Variants in SLC25A13 observed in about 807,000 individuals in gnomAD.
The protein encoded by SLC25A13 is solute carrier family 25 member 13.
SLC25A13 carries 70 observed loss-of-function variants against 85.5 expected under a neutral mutation model. The observed-to-expected ratio is 0.82, with a 90% CI of 0.68 to 1.00. SLC25A13 has a LOEUF of 1.00. SLC25A13 is among the 50% of genes least tolerant of loss of function. The pLI is 0.00. For missense variants in SLC25A13, 765 were observed against 819.8 expected, an observed-to-expected ratio of 0.93 and a Z score of 0.82; for synonymous variants, 259 against 288.7, an observed-to-expected ratio of 0.90 and a Z score of 1.04.
At chr7:96,292,750 C>T (rs1352926289) in intron 2 of SLC25A13, among the ~76,000 whole-genome samples, 1 of 152,164 alleles carries the variant, frequency 6.6e-6, no homozygotes, top group African/African-American at 2.4e-5. Flanking sequence ...TCAAGGAGAA[C>T]TGCAAATCAC....
At chr7:96,311,140 A>AC (rs1227554311) in intron 1 of SLC25A13, among the ~76,000 whole-genome samples, 3 of 152,206 alleles carry the variant, frequency 2.0e-5, no homozygotes, top group Non-Finnish European at 4.4e-5. Flanking sequence ...ATCACTTTTA[A>AC]CTCAATGTAC....
chr7:96,146,442 ATCT>A, intron 14 of SLC25A13, 111 bp downstream of exon 14: 9 of 1,391,808 alleles, frequency 6.5e-6, no homozygotes, highest in Non-Finnish European at 7.9e-6. Context: ...TGGGTAGAAC[ATCT>A]TCTCCAGGTG....
At chr7:96,233,868 G>A (rs771103651) in intron 4 of SLC25A13, among the ~76,000 whole-genome samples, 3 of 152,170 alleles carry the variant, frequency 2.0e-5, no homozygotes, top group Non-Finnish European at 2.9e-5. Context: ...CTTAAAATGG[G>A]CACATGCCAA....
chr7:96,316,001 G>A (rs1238504389), intron 1 of SLC25A13, among the ~76,000 whole-genome samples: 5 of 152,024 alleles, frequency 3.3e-5, no homozygotes, highest in African/African-American at 1.2e-4. Context: ...GTGTGTGCCT[G>A]AGGTCCTAGC....
intron 3 of SLC25A13, among the ~76,000 whole-genome samples, chr7:96,245,439 A>G (rs914567883): frequency 5.9e-5 from 9 of 152,176 alleles, no homozygotes; most frequent in Non-Finnish European, 1.3e-4. Flanking sequence ...AACCACTACA[A>G]GCCTACAAGC....
At chr7:96,163,861 C>G (rs933463644) in intron 13 of SLC25A13, among the ~76,000 whole-genome samples, 18 of 152,070 alleles carry the variant, frequency 1.2e-4, no homozygotes, top group African/African-American at 4.3e-4. Context: ...ACCCAAAAAG[C>G]CAAACTAAAA....
intron 5 of SLC25A13, among the ~76,000 whole-genome samples, chr7:96,203,095 TAG>T (rs1194948174): frequency 6.6e-6 from 1 of 152,168 alleles, no homozygotes; most frequent in Non-Finnish European, 1.5e-5. Flanking sequence ...CACACAATAG[TAG>T]AGTGATCCTT....
intron 1 of SLC25A13, among the ~76,000 whole-genome samples, chr7:96,298,492 G>GC (rs2116998492): frequency 6.6e-6 from 1 of 151,906 alleles, no homozygotes; most frequent in African/African-American, 2.4e-5. Context: ...GGAGTGCAAT[G>GC]ATGCAGTCTT....
intron 15 of SLC25A13, among the ~76,000 whole-genome samples, chr7:96,125,718 C>G (rs1791696697): frequency 6.7e-6 from 1 of 150,080 alleles, no homozygotes; most frequent in African/African-American, 2.4e-5. Context: ...CCTTTTCTAT[C>G]TCTATATTAT....
At position 96,224,779 on chromosome 7, in the gene SLC25A13, G is replaced by A. The variant is rs77677908; in HGVS notation, c.328+10023C>T. On this transcript the variant is annotated intron_variant, in intron 4 of 17. Coordinates refer to ENST00000265631, the MANE Select transcript of SLC25A13 (RefSeq NM_014251.3). ...ATGAAAAATATTAAATCCTTCTAATGTCTGATACAGACTGAGACCACAATG... is the reference window on the plus strand; with the variant it reads ...ATGAAAAATATTAAATCCTTCTAATATCTGATACAGACTGAGACCACAATG... 4.0e-3 allele frequency among the ~76,000 whole-genome samples: 615 copies of A among 152,240 alleles called. 11 individuals carry two copies. In the East Asian group the frequency reaches 0.047, roughly 12 times the overall value.
intron 8 of SLC25A13, 29 bp downstream of exon 8, chr7:96,189,552 C>CAAAAA: frequency 7.0e-7 from 1 of 1,419,884 alleles, no homozygotes; most frequent in Non-Finnish European, 9.5e-7. Flanking sequence ...AAGCTAATTC[C>CAAAAA]AAAAAAAAAA....
intron 1 of SLC25A13, among the ~76,000 whole-genome samples, chr7:96,309,364 C>G (rs908009385): frequency 6.6e-6 from 1 of 152,176 alleles, no homozygotes; most frequent in African/African-American, 2.4e-5. Flanking sequence ...TGGGACAGCA[C>G]AACCCCTGCC....
At chr7:96,160,073 C>A (rs1366584946) in intron 13 of SLC25A13, among the ~76,000 whole-genome samples, 4 of 152,156 alleles carry the variant, frequency 2.6e-5, no homozygotes, top group Admixed American at 1.3e-4. Context: ...CTACTACTAC[C>A]AGAATAGTTT....
intron 11 of SLC25A13, among the ~76,000 whole-genome samples, chr7:96,173,246 C>T (rs1427457458): frequency 1.3e-5 from 2 of 152,196 alleles, no homozygotes; most frequent in Non-Finnish European, 2.9e-5. Flanking sequence ...TGAAAATTTT[C>T]TTTAAAAGTG....
intron 1 of SLC25A13, among the ~76,000 whole-genome samples, chr7:96,307,296 T>A (rs1435102352): frequency 6.6e-6 from 1 of 152,206 alleles, no homozygotes; most frequent in South Asian, 2.1e-4. Context: ...AGAATTATTA[T>A]AATTTTTTAA....
intron 2 of SLC25A13, among the ~76,000 whole-genome samples, chr7:96,280,243 T>C (rs186189494): frequency 7.5e-4 from 114 of 152,304 alleles, no homozygotes; most frequent in Non-Finnish European, 9.6e-4. Flanking sequence ...ACCTGGTAGA[T>C]AGTGAAACAT....
intron 3 of SLC25A13, among the ~76,000 whole-genome samples, chr7:96,254,199 G>C (rs1247925662): frequency 2.0e-5 from 3 of 152,200 alleles, no homozygotes; most frequent in African/African-American, 7.2e-5. Flanking sequence ...TAAATAGGCA[G>C]TCTGGGTAAA....
intron 5 of SLC25A13, among the ~76,000 whole-genome samples, chr7:96,197,420 T>C (rs1420184040): frequency 6.6e-6 from 1 of 152,082 alleles, no homozygotes; most frequent in Non-Finnish European, 1.5e-5. Flanking sequence ...CTGGCCTCAC[T>C]CCCTTTTTGC....
intron 2 of SLC25A13, among the ~76,000 whole-genome samples, chr7:96,296,094 G>A (rs982256808): frequency 1.3e-5 from 2 of 151,708 alleles, no homozygotes; most frequent in Admixed American, 6.6e-5. Flanking sequence ...CTTCCATGGT[G>A]TCTGTTGTGC....
Sources: gnomAD v4.1 joint callset for allele counts (sites outside exome capture counted in the v4.1 genomes callset) on GRCh38, gnomAD v4.1.1 for gene constraint, MANE v1.5 for transcripts, NCBI Gene and HGNC (gene_info 2026-07-23, HGNC 2026-07-21) for gene names.